SATB2: variants seen among roughly 807,000 people sequenced by gnomAD.
The protein encoded by SATB2 is DNA-binding protein SATB2.
In SATB2, 1 loss-of-function variant was observed where a neutral mutation model predicts 73.4. That is an observed-to-expected ratio of 0.01 (90% CI 0.00 to 0.06). SATB2 has a LOEUF of 0.06. Ranked by LOEUF, SATB2 falls within the 10% of genes least tolerant of loss-of-function variation. The pLI, the probability that SATB2 is intolerant of heterozygous loss-of-function variation, is 1.00. For synonymous variants in SATB2, 397 were observed against 367.0 expected (o/e 1.08, Z -0.93); for missense variants, 459 against 945.8 (o/e 0.49, Z 6.75).
At chr2:199,294,810 A>G (rs1222094825) in intron 10 of SATB2, among the ~76,000 whole-genome samples, 2 of 152,238 alleles carry the variant, frequency 1.3e-5, no homozygotes, top group Non-Finnish European at 2.9e-5. Flanking sequence ...TGATCATAAC[A>G]GAAACAGGAA....
At chr2:199,290,345 G>A (rs1283568043) in intron 10 of SATB2, among the ~76,000 whole-genome samples, 3 of 152,050 alleles carry the variant, frequency 2.0e-5, no homozygotes, top group Non-Finnish European at 4.4e-5. Flanking sequence ...GCTCCTTAAG[G>A]GTAGATTCTG....
chr2:199,286,767 A>G (rs1045126467), intron 10 of SATB2, among the ~76,000 whole-genome samples: 1 of 152,208 alleles, frequency 6.6e-6, no homozygotes, highest in African/African-American at 2.4e-5. Flanking sequence ...AAGTGTCTTT[A>G]AAGACCTTAC....
intron 7 of SATB2, among the ~76,000 whole-genome samples, chr2:199,338,448 G>A (rs1040947101): frequency 1.3e-5 from 2 of 151,998 alleles, no homozygotes; most frequent in African/African-American, 2.4e-5. Flanking sequence ...CCTCATTGAG[G>A]ATAGAGACCT....
intron 8 of SATB2, 26 bp from the exon 9 acceptor site, chr2:199,323,984 A>T: frequency 6.2e-7 from 1 of 1,612,960 alleles, no homozygotes. Flanking sequence ...GAAAATAATA[A>T]TTTAAAAAGT....
intron 10 of SATB2, among the ~76,000 whole-genome samples, chr2:199,302,035 C>G (rs1687302489): frequency 6.6e-6 from 1 of 152,130 alleles, no homozygotes; most frequent in South Asian, 2.1e-4. Context: ...TAATACATCT[C>G]CAATTATTAA....
chr2:199,448,852 C>T (rs1203912626), intron 2 of SATB2, among the ~76,000 whole-genome samples: 2 of 152,046 alleles, frequency 1.3e-5, no homozygotes, highest in Non-Finnish European at 2.9e-5. Context: ...TACGATAGAA[C>T]TCCATTCCAA....
chr2:199,287,974 G>T (rs940770995), intron 10 of SATB2, among the ~76,000 whole-genome samples: 1 of 151,988 alleles, frequency 6.6e-6, no homozygotes, highest in Non-Finnish European at 1.5e-5. Context: ...ATTATATTCT[G>T]TTTCAATTTA....
At chr2:199,302,489 AG>A (rs1244465632) in intron 10 of SATB2, among the ~76,000 whole-genome samples, 2 of 152,200 alleles carry the variant, frequency 1.3e-5, no homozygotes, top group Non-Finnish European at 2.9e-5. Context: ...ACTGACAGTC[AG>A]GAACTCCCAA....
At position 199,270,691 on chromosome 2, in the gene SATB2, T is replaced by C. The variant is rs889467021; in HGVS notation, c.*1520A>G. On this transcript the variant is annotated 3_prime_UTR_variant, in exon 11 of 11. Coordinates refer to ENST00000417098, the MANE Select transcript of SATB2 (RefSeq NM_001172509.2). ...CCGAAAGAGATCTGGAGTACTATAG[T>C]AGATTGCAGCTTTAATGCTCATCCC... 6.6e-6 allele frequency: 1 copy of C among 152,336 alleles called. No homozygotes were observed. The highest frequency in any genetic ancestry group is 2.4e-5 in the African/African-American group (1 of 41,450). The allele number at this position is 152,336 out of a possible 1,614,324, so 9.4% of individuals were successfully genotyped here. A position where few individuals can be genotyped will look rare whatever the true frequency, so the allele number is the denominator to read the frequency against.
At chr2:199,385,722 G>A (rs1179998466) in intron 3 of SATB2, among the ~76,000 whole-genome samples, 1 of 152,142 alleles carries the variant, frequency 6.6e-6, no homozygotes, top group Non-Finnish European at 1.5e-5. Context: ...CAAGTGAGAG[G>A]CAAACTAGAA....
At chr2:199,376,691 A>C (rs952195157) in intron 5 of SATB2, among the ~76,000 whole-genome samples, 8 of 152,192 alleles carry the variant, frequency 5.3e-5, no homozygotes, top group African/African-American at 1.7e-4. Context: ...TATTGTGGAC[A>C]GTCCATCTAG....
At chr2:199,391,771 T>C (rs2105881987) in intron 3 of SATB2, among the ~76,000 whole-genome samples, 1 of 152,250 alleles carries the variant, frequency 6.6e-6, no homozygotes, top group East Asian at 1.9e-4. Flanking sequence ...ACAACATACA[T>C]GGTGATAAAT....
chr2:199,316,897 A>G lies in SATB2; in HGVS notation c.1542+6906T>C, dbSNP rs113025345. Among the ~76,000 whole-genome samples the G allele has an allele frequency of 5.2e-3, 799 of 152,210 alleles. 10 individuals carry two copies. Among genetic ancestry groups the G allele is most frequent in the African/African-American group, 0.018 (753 of 41,474 alleles). On this transcript the variant is annotated intron_variant, in intron 9 of 10. Transcript: ENST00000417098. ...ACTTCTTCACTTCAACGGCAGAAAG[A>G]TATTAACAGCAAAATGCACTAGGCT...
At chr2:199,280,470 C>T (rs910297814) in intron 10 of SATB2, among the ~76,000 whole-genome samples, 7 of 152,094 alleles carry the variant, frequency 4.6e-5, no homozygotes, top group Non-Finnish European at 7.3e-5. Flanking sequence ...GCTGGTGAGC[C>T]GGGCGGAACA....
intron 6 of SATB2, among the ~76,000 whole-genome samples, chr2:199,358,542 G>T (rs1399135398): frequency 1.3e-5 from 2 of 152,114 alleles, no homozygotes; most frequent in Non-Finnish European, 2.9e-5. Flanking sequence ...TTGTTCAAGA[G>T]AATTTGTCTC....
upstream of SATB2, chr2:199,459,739 T>G (rs1223284566): frequency 1.3e-5 from 2 of 152,564 alleles, no homozygotes; most frequent in African/African-American, 4.8e-5. This position sits in a 1 kb window ranked among gnomAD's most constrained non-coding sequence, Gnocchi z 4.2. Flanking sequence ...CAAACTAAGT[T>G]CGGTTTCGGG....
At chr2:199,394,576 T>C (rs1043206085) in intron 3 of SATB2, among the ~76,000 whole-genome samples, 3 of 152,058 alleles carry the variant, frequency 2.0e-5, no homozygotes, top group Non-Finnish European at 2.9e-5. Flanking sequence ...GAGAATTGCT[T>C]GAGCCCAGGA....
chr2:199,370,137 A>G (rs1209856704), intron 5 of SATB2, among the ~76,000 whole-genome samples: 1 of 152,058 alleles, frequency 6.6e-6, no homozygotes. Context: ...TGCGCTATTA[A>G]CGACCAAGTA....
chr2:199,306,771 A>G (rs946580063), intron 10 of SATB2, among the ~76,000 whole-genome samples: 4 of 152,034 alleles, frequency 2.6e-5, no homozygotes, highest in African/African-American at 9.7e-5. Flanking sequence ...ACGAGATGAT[A>G]ATTAATGGAC....
Sources: gnomAD v4.1 joint callset for allele counts (sites outside exome capture counted in the v4.1 genomes callset) on GRCh38, gnomAD v4.1.1 for gene constraint, Gnocchi (gnomAD v3.1) non-coding constraint, MANE v1.5 for transcripts, NCBI Gene and HGNC (gene_info 2026-07-23, HGNC 2026-07-21) for gene names.